The following NCKAP1L variants were observed in gnomAD, a reference collection of about 807,000 sequenced individuals.
NCKAP1L encodes NCK associated protein 1 like.
NCKAP1L carries 53 observed loss-of-function variants against 139.2 expected under a neutral mutation model. The ratio of observed to expected loss-of-function variants is 0.38; its 90% CI spans 0.31 to 0.48. The LOEUF (loss-of-function observed/expected upper bound fraction) is 0.48. Among genes scored for constraint, NCKAP1L ranks in the 20% least tolerant of loss-of-function variants. NCKAP1L has a pLI of 0.98. For missense variants in NCKAP1L, 1,151 were observed against 1,381.9 expected (o/e 0.83, Z 2.65); for synonymous variants, 468 against 499.7 (o/e 0.94, Z 0.85).
At chr12:54,542,077 G>A (rs545063312) in intron 30 of NCKAP1L, among the ~76,000 whole-genome samples, 16 of 152,184 alleles carry the variant, frequency 1.1e-4, no homozygotes, top group African/African-American at 1.2e-4. Flanking sequence ...TCCTTTATGC[G>A]GCATCCTTAC....
chr12:54,503,437 TA>T lies in NCKAP1L; in HGVS notation c.306+2819del, dbSNP rs576144079. Reference sequence around the variant, plus strand: ...GAAACAGAATTGTTTCATGGGGAAATAAAAAAAGGAAACAAATGCAAAGACA... The same window carrying T: ...GAAACAGAATTGTTTCATGGGGAAATAAAAAAGGAAACAAATGCAAAGACA... On this transcript the variant is annotated intron_variant, in intron 3 of 30. Transcript: ENST00000293373. Among the ~76,000 whole-genome samples, 1,284 of 151,822 alleles carry T rather than the reference TA, an allele frequency of 8.5e-3. 12 individuals carry two copies. Among genetic ancestry groups the T allele is most frequent in the South Asian group, 0.017 (82 of 4,810 alleles).
At chr12:54,519,108 G>A (rs1367083094) in intron 15 of NCKAP1L, 79 bp from the exon 16 acceptor site, 28 of 1,565,830 alleles carry the variant, frequency 1.8e-5, no homozygotes, top group Non-Finnish European at 2.4e-5. Flanking sequence ...GACATACTCA[G>A]GCCAAACTGT....
intron 26 of NCKAP1L, among the ~76,000 whole-genome samples, chr12:54,532,636 T>G (rs753573690): frequency 6.6e-6 from 1 of 152,176 alleles, no homozygotes; most frequent in Non-Finnish European, 1.5e-5. Context: ...GTTCCTTTCA[T>G]TCCCACCCAC....
Position 54,507,874 on chromosome 12 carries a change from A to G in NCKAP1L, c.328A>G (p.Asn110Asp), listed in dbSNP as rs563545110. ...CCAGGATCATGTATATGAACTTCTC[A>G]ACACCATTGATGCCTGCCAGTGCCA... ...EFRDHVYELL[N>D]TIDACQCHFD... The change falls in exon 4 of 31, where the codon AAC becomes GAC. Residue 110 changes from asparagine (N) to aspartate (D), a missense_variant. Physicochemically the swap from Asn to Asp is conservative, Grantham distance 23 (BLOSUM62 1). Coordinates refer to ENST00000293373, the MANE Select transcript of NCKAP1L (RefSeq NM_005337.5). 1 of 1,614,052 alleles carries G rather than the reference A, an allele frequency of 6.2e-7. No homozygotes were observed. The highest frequency in any genetic ancestry group is 8.5e-7 in the Non-Finnish European group (1 of 1,179,948).
At chr12:54,501,956 C>T (rs1956801493) in intron 3 of NCKAP1L, among the ~76,000 whole-genome samples, 1 of 152,084 alleles carries the variant, frequency 6.6e-6, no homozygotes, top group Non-Finnish European at 1.5e-5. Context: ...ATTATCTCAT[C>T]TAAGTTTTTA....
chr12:54,510,219 C>A, intron 7 of NCKAP1L: 1 of 571,356 alleles, frequency 1.8e-6, no homozygotes, highest in Non-Finnish European at 3.1e-6. Flanking sequence ...GTTAGCCTGT[C>A]CATAGAAGGA....
chr12:54,522,357 G>A (rs929709138), intron 18 of NCKAP1L, among the ~76,000 whole-genome samples: 1 of 152,208 alleles, frequency 6.6e-6, no homozygotes, highest in African/African-American at 2.4e-5. Flanking sequence ...AAGAACACTG[G>A]TAAAGAGATT....
In NCKAP1L at chr12:54,546,354, TG is replaced by T. The variant is rs370627025; in HGVS notation, c.*3670del. 8.7e-4 allele frequency: 91 copies of T among 104,162 alleles called. No homozygotes were observed. Among genetic ancestry groups the T allele is most frequent in the African/African-American group, 3.3e-3 (89 of 26,814 alleles). The allele number at this position is 104,162 out of a possible 1,614,324, so 6.5% of individuals were successfully genotyped here. On this transcript the variant is annotated 3_prime_UTR_variant, in exon 31 of 31. Transcript: ENST00000293373. ...CAGTCTGGGTGACAGAGCAAGATCCTGTCTCACAAAAAAAAAAAAAAAAAAA... is the reference window on the plus strand; with the variant it reads ...CAGTCTGGGTGACAGAGCAAGATCCTTCTCACAAAAAAAAAAAAAAAAAAA...
Position 54,535,128 on chromosome 12 carries a change from G to T in NCKAP1L, c.2887G>T (p.Ala963Ser). ...GGTGACCTTGAGTATCTTTGAGCTG[G>T]CATCTGCTGCAGGTGTGGGCTGTGA... ...IKVTLSIFEL[A>S]SAAGVGCDID... The change falls in exon 27 of 31, where the codon GCA becomes TCA. Residue 963 changes from alanine (A) to serine (S), a missense_variant. By Grantham distance (99) the Ala-to-Ser change is moderately conservative. Transcript: ENST00000293373. 1 of 1,613,102 alleles carries T rather than the reference G, an allele frequency of 6.2e-7. No homozygotes were observed. The highest frequency in any genetic ancestry group is 8.5e-7 in the Non-Finnish European group (1 of 1,179,466).
chr12:54,527,599 G>A (rs1460492375), intron 21 of NCKAP1L, among the ~76,000 whole-genome samples: 1 of 152,136 alleles, frequency 6.6e-6, no homozygotes, highest in Non-Finnish European at 1.5e-5. Context: ...AGGTGATTCA[G>A]CCCCTCTTCC....
chr12:54,509,045 A>G (rs1227669188), intron 5 of NCKAP1L, among the ~76,000 whole-genome samples: 1 of 152,230 alleles, frequency 6.6e-6, no homozygotes, highest in African/African-American at 2.4e-5. Context: ...GGCAAAGAAA[A>G]TTCTTTTTAG....
chr12:54,516,872 T>G (rs749062704), intron 10 of NCKAP1L, 24 bp from the exon 11 acceptor site: 1 of 1,604,318 alleles, frequency 6.2e-7, no homozygotes, highest in Non-Finnish European at 8.5e-7. Context: ...GAGGTGATAG[T>G]CATGTTCCCC....
rs1957209883 is a variant in NCKAP1L, at chr12:54,547,727, A to G, written c.*5042A>G. ...AATTTACTAATTAGAGCTCTTTAGC[A>G]CCATCCTAATTTGCAATTCTTTTGT... On this transcript the variant is annotated 3_prime_UTR_variant, in exon 31 of 31. Transcript: ENST00000293373. 6.6e-6 allele frequency: 1 copy of G among 152,204 alleles called. No homozygotes were observed. The highest frequency in any genetic ancestry group is 2.4e-5 in the African/African-American group (1 of 41,450). The allele number at this position is 152,204 out of a possible 1,614,324, so 9.4% of individuals were successfully genotyped here.
intron 26 of NCKAP1L, 108 bp from the exon 27 acceptor site, chr12:54,534,996 T>TAA: frequency 1.3e-6 from 1 of 782,140 alleles, no homozygotes; most frequent in Non-Finnish European, 2.0e-6. Flanking sequence ...AAAAGCATCT[T>TAA]TAAAAAAAAA....
chr12:54,500,037 C>T (rs968092448), intron 2 of NCKAP1L, among the ~76,000 whole-genome samples: 2 of 152,164 alleles, frequency 1.3e-5, no homozygotes, highest in African/African-American at 4.8e-5. Flanking sequence ...GATAGACAAT[C>T]TCCTTTGTTT....
chr12:54,525,584 C>T (rs1342611886), intron 20 of NCKAP1L, among the ~76,000 whole-genome samples: 4 of 152,136 alleles, frequency 2.6e-5, no homozygotes, highest in Non-Finnish European at 2.9e-5. Flanking sequence ...TTCCCAAAGC[C>T]CTAAGGTTGG....
chr12:54,499,063 C>T (rs1197222120), intron 1 of NCKAP1L, among the ~76,000 whole-genome samples: 1 of 151,940 alleles, frequency 6.6e-6, no homozygotes, highest in Non-Finnish European at 1.5e-5. Context: ...GTACCTGGGA[C>T]TACAGTTGTG....
intron 25 of NCKAP1L, among the ~76,000 whole-genome samples, 157 bp from the exon 26 acceptor site, chr12:54,532,013 A>G (rs1481675209): frequency 3.9e-5 from 6 of 152,030 alleles, no homozygotes; most frequent in Admixed American, 3.9e-4. Flanking sequence ...AAATGAGCTT[A>G]GGAAACCTAG....
chr12:54,524,317 A>G lies in NCKAP1L; in HGVS notation c.2156+361A>G, dbSNP rs146468038. Among the ~76,000 whole-genome samples the G allele has an allele frequency of 2.3e-3, 350 of 152,340 alleles. 1 individual carries two copies. Among genetic ancestry groups the G allele is most frequent in the African/African-American group, 7.8e-3 (323 of 41,574 alleles). On this transcript the variant is annotated intron_variant, in intron 20 of 30. Transcript: ENST00000293373. The stretch of plus-strand genomic sequence containing the variant: ...TATTTGAACCAGTTTCTTTCCTTGT[A>G]AAGTAAGGATAATGGTATTTACCTT...
Sources: gnomAD v4.1 joint callset for allele counts (sites outside exome capture counted in the v4.1 genomes callset) on GRCh38, gnomAD v4.1.1 for gene constraint, MANE v1.5 for transcripts, NCBI Gene and HGNC (gene_info 2026-07-23, HGNC 2026-07-21) for gene names.